The following DNAH8 variants were observed in gnomAD, a reference collection of about 807,000 sequenced individuals.
The protein encoded by DNAH8 is axonemal beta dynein heavy chain 8.
A neutral mutation model predicts 562.1 loss-of-function variants in DNAH8; 382 were observed. The observed-to-expected ratio is 0.68, with a 90% CI of 0.63 to 0.74. DNAH8 has a LOEUF of 0.74. DNAH8 is among the 30% of genes least tolerant of loss of function. DNAH8 has a pLI of 0.00. For synonymous variants in DNAH8, 1,881 were observed against 1,919.4 expected, an observed-to-expected ratio of 0.98 and a Z score of 0.52; for missense variants, 5,203 against 5,620.4, an observed-to-expected ratio of 0.93 and a Z score of 2.37.
Position 38,918,146 on chromosome 6 carries a change from A to T in DNAH8, c.10524+6A>T, listed in dbSNP as rs2150548140. On this transcript the variant is annotated splice_donor_region_variant and intron_variant, in intron 70 of 92. Coordinates refer to ENST00000327475, the MANE Select transcript of DNAH8 (RefSeq NM_001206927.2). ...GAGAAGTGTTGCCTCTGAAGGTAAA[A>T]GTTTCCTTCCTTCTCCCAGTAAATC... 6.3e-7 allele frequency: 1 copy of T among 1,587,602 alleles called. No homozygotes were observed. Among genetic ancestry groups the T allele is most frequent in the Non-Finnish European group, 8.6e-7 (1 of 1,161,624 alleles).
At chr6:38,839,152 G>A (rs1318806535) in intron 33 of DNAH8, among the ~76,000 whole-genome samples, 3 of 152,098 alleles carry the variant, frequency 2.0e-5, no homozygotes, top group African/African-American at 7.2e-5. Context: ...CTCTGGGATT[G>A]GGTCCCAGAA....
chr6:38,770,852 A>G (rs570005403), intron 12 of DNAH8, among the ~76,000 whole-genome samples: 1 of 152,348 alleles, frequency 6.6e-6, no homozygotes, highest in South Asian at 2.1e-4. Context: ...TAACTGTTAT[A>G]TTAGGCTGAG....
At chr6:38,934,434 A>C (rs770148164) in intron 76 of DNAH8, among the ~76,000 whole-genome samples, 3 of 152,128 alleles carry the variant, frequency 2.0e-5, no homozygotes, top group African/African-American at 4.8e-5. Context: ...ACTACATTAG[A>C]TGTACAGATG....
At chr6:38,932,367 G>A (rs79158951) in intron 76 of DNAH8, among the ~76,000 whole-genome samples, 4,184 of 152,106 alleles carry the variant, frequency 0.028, 97 homozygotes, top group Non-Finnish European at 0.045. Flanking sequence ...CACTGTAGTA[G>A]TTTCAACTAC....
chr6:38,741,456 C>A (rs933349654), intron 7 of DNAH8, among the ~76,000 whole-genome samples: 17 of 134,990 alleles, frequency 1.3e-4, no homozygotes, highest in South Asian at 2.3e-4. Flanking sequence ...CTACCTCCCC[C>A]CCGACCAAAA....
In DNAH8 at chr6:38,837,976, C is replaced by T. The variant is rs772146998; in HGVS notation, c.4400C>T (p.Thr1467Met). The T allele has an allele frequency of 2.8e-5, 45 of 1,612,990 alleles. No individual in the cohort carries two copies. In the East Asian group the frequency reaches 4.7e-4, roughly 17 times the overall value. The change falls in exon 33 of 93, where the codon ACG becomes ATG. Residue 1467 changes from threonine (T) to methionine (M), a missense_variant. Around this residue, in one of 6 missense-constraint regions of DNAH8, gnomAD observed 2,176 missense variants for 2,365.1 expected, o/e 0.92. Transcript: ENST00000327475. ...SFDDLWRKFV[T>M]YSSGEQLFGL... ...GATGATCTGTGGAGGAAATTTGTTA[C>T]GTATTCATCTGGTGAACAACTTTTT...
intron 70 of DNAH8, among the ~76,000 whole-genome samples, chr6:38,918,473 T>A (rs2150548732): frequency 6.6e-6 from 1 of 152,350 alleles, no homozygotes; most frequent in East Asian, 1.9e-4. Flanking sequence ...ATTTGATTAC[T>A]GTATTTCAAA....
chr6:38,718,649 G>A (rs891082905), intron 1 of DNAH8, among the ~76,000 whole-genome samples: 2 of 151,984 alleles, frequency 1.3e-5, no homozygotes, highest in African/African-American at 2.4e-5. Context: ...TTTTTTCTGA[G>A]TCACAATAGG....
chr6:38,954,186 CA>C (rs1762097823), intron 82 of DNAH8, among the ~76,000 whole-genome samples: 1 of 152,102 alleles, frequency 6.6e-6, no homozygotes, highest in South Asian at 2.1e-4. Flanking sequence ...GTGGAGAAAG[CA>C]GATGGGTTTA....
intron 5 of DNAH8, among the ~76,000 whole-genome samples, chr6:38,736,162 T>G (rs1357495489): frequency 6.6e-6 from 1 of 152,132 alleles, no homozygotes; most frequent in Non-Finnish European, 1.5e-5. Flanking sequence ...TGGACTTTTC[T>G]CTCTGGAAGG....
intron 92 of DNAH8, among the ~76,000 whole-genome samples, chr6:39,027,956 T>A (rs1186713143): frequency 6.6e-6 from 1 of 152,204 alleles, no homozygotes; most frequent in Non-Finnish European, 1.5e-5. Context: ...TGATTTTCAT[T>A]CCCTCATTTG....
intron 4 of DNAH8, 139 bp from the exon 5 acceptor site, chr6:38,734,335 C>CCCAA: frequency 9.0e-6 from 5 of 557,572 alleles, no homozygotes; most frequent in South Asian, 2.4e-5. Context: ...GACCCCCCCC[C>CCCAA]AAAAAAATTA....
At chr6:38,989,644 G>A (rs1008722294) in intron 87 of DNAH8, among the ~76,000 whole-genome samples, 9 of 152,142 alleles carry the variant, frequency 5.9e-5, no homozygotes, top group African/African-American at 2.2e-4. Context: ...TGATGAAAAT[G>A]CCCAGATATT....
chr6:38,724,044 G>C (rs1206548061), intron 3 of DNAH8, among the ~76,000 whole-genome samples: 3 of 151,550 alleles, frequency 2.0e-5, no homozygotes, highest in Non-Finnish European at 4.4e-5. Context: ...GGCTGGAGTG[G>C]AGTGGCACCA....
rs1365719947 is a variant in DNAH8, at chr6:38,737,159, A to G, written c.855A>G (p.Ala285=). Residue 285 remains alanine (A), a synonymous_variant, in exon 6 of 93, where the codon GCA becomes GCG. Transcript: ENST00000327475. ...ATATATTTCTACCAGCTGTTCTTGC[A>G]ACAAACAACTGGGGTGCTTTAAACC... is the stretch of plus-strand genomic sequence containing the variant. ...LANIFLPAVL[A]TNNWGALNQS... is the part of the protein sequence containing the mutation. The G allele has an allele frequency of 2.5e-6, 4 of 1,584,218 alleles. No individual in the cohort carries two copies. The highest frequency in any genetic ancestry group is 1.8e-5 in the Admixed American group (1 of 54,120).
At chr6:38,988,118 T>C (rs935241015) in intron 87 of DNAH8, among the ~76,000 whole-genome samples, 2 of 152,182 alleles carry the variant, frequency 1.3e-5, no homozygotes, top group African/African-American at 2.4e-5. Flanking sequence ...CCTCTGTCCC[T>C]CTGACTTTCA....
intron 21 of DNAH8, among the ~76,000 whole-genome samples, chr6:38,800,475 A>G (rs1163285851): frequency 1.3e-5 from 2 of 151,994 alleles, no homozygotes; most frequent in African/African-American, 4.8e-5. Context: ...GGTTTTGACA[A>G]ATGTTTCCCT....
At chr6:38,987,234 T>C (rs1256036921) in intron 87 of DNAH8, among the ~76,000 whole-genome samples, 1 of 152,190 alleles carries the variant, frequency 6.6e-6, no homozygotes, top group Non-Finnish European at 1.5e-5. Context: ...GAAGTGTCGC[T>C]GTCTCAGCCT....
chr6:38,852,729 G>A lies in DNAH8; in HGVS notation c.5502G>A (p.Glu1834=). The A allele has an allele frequency of 6.2e-7, 1 of 1,613,784 alleles. No homozygotes were observed. The highest frequency in any genetic ancestry group is 8.5e-7 in the Non-Finnish European group (1 of 1,179,836). The change falls in exon 40 of 93, where the codon GAG becomes GAA. Residue 1834 remains glutamate (E), a synonymous_variant. Transcript: ENST00000327475. Reference sequence around the variant, plus strand: ...CTGCAGTATCTGACAACATCAATGAGGTGACATTTCATGCAAAAGACTATG... The same window carrying A: ...CTGCAGTATCTGACAACATCAATGAAGTGACATTTCATGCAAAAGACTATG... ...HLPAVSDNIN[E]VTFHAKDYDR... is the part of the protein sequence containing the mutation.
Sources: allele counts gnomAD v4.1 joint callset (sites outside exome capture counted in the v4.1 genomes callset), GRCh38; gene constraint gnomAD v4.1.1; regional missense constraint gnomAD v4.1.1; transcripts MANE v1.5; gene names NCBI Gene and HGNC (gene_info 2026-07-23, HGNC 2026-07-21).